Variants in ADGRL3 observed in about 807,000 individuals in gnomAD.
The protein encoded by ADGRL3 is adhesion G protein-coupled receptor L3, also known as calcium-independent alpha-latrotoxin receptor 3.
Under a neutral mutation model 153.5 loss-of-function variants are expected in ADGRL3, and 62 were observed. The ratio of observed to expected loss-of-function variants is 0.40; its 90% CI spans 0.33 to 0.50. ADGRL3 has a LOEUF of 0.50. Among genes scored for constraint, ADGRL3 ranks in the 20% least tolerant of loss-of-function variants. The probability of loss-of-function intolerance (pLI) is 0.47; values close to 1 mark genes in which losing one functional copy is unlikely to be tolerated. For missense variants in ADGRL3, 1,641 were observed against 1,859.4 expected (o/e 0.88, Z 2.16); for synonymous variants, 710 against 672.5 (o/e 1.06, Z -0.86).
intron 4 of ADGRL3, among the ~76,000 whole-genome samples, chr4:61,555,511 A>T (rs990926882): frequency 3.3e-5 from 5 of 152,166 alleles, no homozygotes; most frequent in Admixed American, 2.0e-4. Flanking sequence ...GCTGTTCTAG[A>T]TGCTGAGAAC....
At chr4:61,355,956 T>C (rs1268071991) in intron 1 of ADGRL3, among the ~76,000 whole-genome samples, 1 of 152,076 alleles carries the variant, frequency 6.6e-6, no homozygotes, top group Non-Finnish European at 1.5e-5. Context: ...ATTTAAGTTT[T>C]AGTAAAAATT....
intron 9 of ADGRL3, among the ~76,000 whole-genome samples, chr4:61,826,354 G>GTT (rs2148801770): frequency 6.6e-6 from 1 of 152,268 alleles, no homozygotes; most frequent in African/African-American, 2.4e-5. Flanking sequence ...GCAAAACTAA[G>GTT]TAAGGCCTCC....
At chr4:61,820,738 G>T (rs146427623) in intron 9 of ADGRL3, among the ~76,000 whole-genome samples, 2 of 152,052 alleles carry the variant, frequency 1.3e-5, no homozygotes, top group East Asian at 1.9e-4. Context: ...ATACTACTTC[G>T]GTGATTTTAT....
At chr4:61,909,378 G>C (rs527432352) in intron 11 of ADGRL3, among the ~76,000 whole-genome samples, 182 bp from the exon 12 acceptor site, 1 of 152,264 alleles carries the variant, frequency 6.6e-6, no homozygotes, top group East Asian at 1.9e-4. Flanking sequence ...TTAAAGTCAA[G>C]TTTTCAAGAA....
chr4:61,981,799 T>C (rs1350643149), intron 18 of ADGRL3, among the ~76,000 whole-genome samples: 1 of 152,194 alleles, frequency 6.6e-6, no homozygotes, highest in Non-Finnish European at 1.5e-5. Context: ...TTTTCTGGTA[T>C]GTGTCCATAT....
chr4:61,295,860 C>A (rs1006418702), intron 1 of ADGRL3, among the ~76,000 whole-genome samples: 2 of 151,452 alleles, frequency 1.3e-5, no homozygotes, highest in Non-Finnish European at 2.9e-5. Context: ...ATTGTCCTAG[C>A]TACTTGGGAG....
chr4:61,380,107 A>G (rs2096649668), intron 1 of ADGRL3, among the ~76,000 whole-genome samples: 1 of 151,984 alleles, frequency 6.6e-6, no homozygotes, highest in African/African-American at 2.4e-5. Flanking sequence ...ACATATATCT[A>G]TTACACATAG....
intron 19 of ADGRL3, among the ~76,000 whole-genome samples, chr4:61,994,711 T>A (rs2099115755): frequency 6.6e-6 from 1 of 152,084 alleles, no homozygotes; most frequent in African/African-American, 2.4e-5. Flanking sequence ...TCTCTACTCT[T>A]ATGTGAGAGG....
intron 21 of ADGRL3, among the ~76,000 whole-genome samples, chr4:62,026,194 C>A (rs993074890): frequency 1.3e-5 from 2 of 152,200 alleles, no homozygotes; most frequent in Non-Finnish European, 1.5e-5. Context: ...GTGCCTTAAA[C>A]TCTGTTTTGT....
chr4:61,437,831 C>T (rs1225244855), intron 2 of ADGRL3, among the ~76,000 whole-genome samples: 1 of 152,096 alleles, frequency 6.6e-6, no homozygotes, highest in Non-Finnish European at 1.5e-5. Context: ...CCTTGGAATT[C>T]TGCTCGTCCT....
At chr4:61,565,316 G>A (rs2098812035) in intron 4 of ADGRL3, among the ~76,000 whole-genome samples, 1 of 152,082 alleles carries the variant, frequency 6.6e-6, no homozygotes, top group African/African-American at 2.4e-5. Flanking sequence ...TCTTGAAAAT[G>A]TATATATTAT....
chr4:61,936,054 G>A lies in ADGRL3; in HGVS notation c.2419+9G>A, dbSNP rs749410369. 2.2e-5 allele frequency: 35 copies of A among 1,609,648 alleles called. No individual in the cohort carries two copies. Among genetic ancestry groups the A allele is most frequent in the Non-Finnish European group, 2.7e-5 (32 of 1,177,940 alleles). The stretch of plus-strand genomic sequence containing the variant: ...GCAAAATGGCCGAAATGGTAGGTTA[G>A]AGTTTATTTTTTAAGCTTGAGGGAA... On this transcript the variant is annotated intron_variant, in intron 15 of 26. Coordinates refer to ENST00000683033, the MANE Select transcript of ADGRL3 (RefSeq NM_001387552.1).
chr4:61,587,537 G>A (rs1025195953), intron 5 of ADGRL3, 97 bp downstream of exon 5: 2 of 930,224 alleles, frequency 2.2e-6, no homozygotes, highest in African/African-American at 3.3e-5. Context: ...ACAGTGTTAT[G>A]TATTTTAGGA....
intron 19 of ADGRL3, among the ~76,000 whole-genome samples, chr4:61,986,225 G>A (rs2099085117): frequency 1.3e-5 from 2 of 152,114 alleles, no homozygotes; most frequent in Admixed American, 1.3e-4. Context: ...GAGTAATATA[G>A]TTATTTGTGA....
intron 15 of ADGRL3, among the ~76,000 whole-genome samples, 161 bp downstream of exon 15, chr4:61,936,206 G>C (rs1422880269): frequency 2.0e-5 from 3 of 151,800 alleles, no homozygotes; most frequent in East Asian, 1.9e-4. Flanking sequence ...CTACTGTACA[G>C]CACCATCAAT....
chr4:61,748,033 C>G (rs1190766118), intron 8 of ADGRL3, among the ~76,000 whole-genome samples: 4 of 151,516 alleles, frequency 2.6e-5, no homozygotes, highest in African/African-American at 4.9e-5. Context: ...AATCAATGTA[C>G]AAAAATCACA....
At chr4:61,365,755 A>G (rs1032369625) in intron 1 of ADGRL3, among the ~76,000 whole-genome samples, 2 of 152,218 alleles carry the variant, frequency 1.3e-5, no homozygotes, top group Non-Finnish European at 2.9e-5. Flanking sequence ...ATTGGCAACT[A>G]TTAACTGAAA....
intron 5 of ADGRL3, among the ~76,000 whole-genome samples, chr4:61,666,920 G>T (rs2094820856): frequency 6.6e-6 from 1 of 151,912 alleles, no homozygotes; most frequent in African/African-American, 2.4e-5. Flanking sequence ...CATTTTATCT[G>T]CCTATTGATA....
intron 8 of ADGRL3, among the ~76,000 whole-genome samples, chr4:61,747,557 G>A (rs1165693992): frequency 1.4e-5 from 2 of 145,574 alleles, no homozygotes; most frequent in African/African-American, 5.3e-5. Flanking sequence ...TTCAATATAT[G>A]CAAATCAATA....
Sources: gnomAD v4.1 joint callset for allele counts (sites outside exome capture counted in the v4.1 genomes callset) on GRCh38, gnomAD v4.1.1 for gene constraint, MANE v1.5 for transcripts, NCBI Gene and HGNC (gene_info 2026-07-23, HGNC 2026-07-21) for gene names.